PCM1: variants seen among roughly 807,000 people sequenced by gnomAD.
PCM1 encodes pericentriolar material 1 protein.
PCM1 carries 157 observed loss-of-function variants against 241.9 expected under a neutral mutation model. That is an observed-to-expected ratio of 0.65 (90% confidence interval 0.57 to 0.74). PCM1 has a LOEUF of 0.74. PCM1 is among the 30% of genes least tolerant of loss of function. PCM1 has a pLI of 0.00. For synonymous variants in PCM1, 1,085 were observed against 784.9 expected (o/e 1.38, Z -6.39); for missense variants, 3,478 against 2,360.1 (o/e 1.47, Z -9.81).
intron 36 of PCM1, among the ~76,000 whole-genome samples, chr8:18,016,417 G>T (rs1056459546): frequency 7.7e-6 from 1 of 129,980 alleles, no homozygotes; most frequent in Non-Finnish European, 1.8e-5. Context: ...TGGAGAAATG[G>T]TTACACTTTA....
intron 36 of PCM1, among the ~76,000 whole-genome samples, chr8:18,018,911 T>TAAAA (rs1554778876): frequency 8.0e-6 from 1 of 125,136 alleles, no homozygotes; most frequent in Non-Finnish European, 1.6e-5. Context: ...TATATATATA[T>TAAAA]AAATATATAA....
intron 23 of PCM1, among the ~76,000 whole-genome samples, chr8:17,979,446 G>A (rs568311133): frequency 1.3e-5 from 2 of 152,196 alleles, no homozygotes; most frequent in Non-Finnish European, 2.9e-5. Flanking sequence ...AACTGTTAAA[G>A]TGGCTGGTTA....
At chr8:18,025,226 C>A in intron 36 of PCM1, 135 bp from the exon 37 acceptor site, 1 of 325,428 alleles carries the variant, frequency 3.1e-6, no homozygotes, top group East Asian at 7.2e-5. Flanking sequence ...CTGCATATTT[C>A]TAAATTATTC....
At chr8:17,967,827 C>G (rs186264581) in intron 21 of PCM1, among the ~76,000 whole-genome samples, 67 of 152,198 alleles carry the variant, frequency 4.4e-4, no homozygotes, top group African/African-American at 1.6e-3. Flanking sequence ...TGCTAATAGA[C>G]TAAAGGAGAG....
intron 34 of PCM1, among the ~76,000 whole-genome samples, chr8:18,012,161 A>C (rs1254691911): frequency 1.3e-5 from 2 of 152,100 alleles, no homozygotes; most frequent in Non-Finnish European, 2.9e-5. Flanking sequence ...CACCCATCCA[A>C]TAATTTATAC....
intron 36 of PCM1, among the ~76,000 whole-genome samples, chr8:18,019,238 A>G (rs1022814344): frequency 6.6e-5 from 10 of 152,118 alleles, no homozygotes; most frequent in African/African-American, 2.2e-4. Context: ...TAGAAATTGT[A>G]TTCTGTCTAT....
intron 9 of PCM1, among the ~76,000 whole-genome samples, chr8:17,953,724 A>T (rs1365222014): frequency 6.6e-6 from 1 of 152,180 alleles, no homozygotes; most frequent in Non-Finnish European, 1.5e-5. Context: ...TAACTGCGGG[A>T]GTTATCTTTT....
chr8:17,986,646 C>T (rs923601793), intron 26 of PCM1, among the ~76,000 whole-genome samples: 7 of 151,770 alleles, frequency 4.6e-5, no homozygotes, highest in African/African-American at 1.7e-4. Context: ...CCAAATAGCA[C>T]TTAGCACATC....
At chr8:17,999,193 T>C (rs1376318043) in intron 29 of PCM1, among the ~76,000 whole-genome samples, 1 of 152,146 alleles carries the variant, frequency 6.6e-6, no homozygotes, top group East Asian at 2.0e-4. Context: ...CCCTTTTTCC[T>C]CTACTTTTCT....
intron 6 of PCM1, among the ~76,000 whole-genome samples, chr8:17,944,049 A>G (rs1036239942): frequency 6.6e-6 from 1 of 152,200 alleles, no homozygotes; most frequent in Non-Finnish European, 1.5e-5. Context: ...ACGAGTAGCC[A>G]TGCGTTCATT....
In PCM1 at chr8:18,029,568, T is replaced by C. The variant is rs1395844110; in HGVS notation, c.*1906T>C. ...GTTATTACCATAGTACCTATGAACCTTATCAAAATTGCTTATTTGACTGGT... is the reference window on the plus strand; with the variant it reads ...GTTATTACCATAGTACCTATGAACCCTATCAAAATTGCTTATTTGACTGGT... On this transcript the variant is annotated 3_prime_UTR_variant, in exon 39 of 39. Coordinates refer to ENST00000325083, the MANE Select transcript of PCM1 (RefSeq NM_006197.4). The C allele has an allele frequency of 5.8e-6, 1 of 173,712 alleles. No individual in the cohort carries two copies. The highest frequency in any genetic ancestry group is 1.3e-5 in the Non-Finnish European group (1 of 79,386). 10.8% of individuals were successfully genotyped at this position (173,712 alleles called of 1,614,324 possible).
intron 36 of PCM1, among the ~76,000 whole-genome samples, chr8:18,018,183 G>C (rs886791806): frequency 6.6e-6 from 1 of 152,194 alleles, no homozygotes; most frequent in Non-Finnish European, 1.5e-5. Flanking sequence ...ACTAAATTGA[G>C]AGGGCACTTA....
chr8:17,940,282 A>G (rs1563726406), intron 6 of PCM1: 1 of 580,586 alleles, frequency 1.7e-6, no homozygotes, highest in Non-Finnish European at 3.1e-6. Flanking sequence ...GAACCCCTCA[A>G]ATTGTTAATG....
chr8:18,027,578 A>G, intron 38 of PCM1, 59 bp from the exon 39 acceptor site: 1 of 1,204,544 alleles, frequency 8.3e-7, no homozygotes, highest in Non-Finnish European at 1.2e-6. Context: ...ACAGAGAACA[A>G]TGTTAAATTC....
At chr8:17,963,376 A>G in intron 17 of PCM1, 85 bp downstream of exon 17, 1 of 885,050 alleles carries the variant, frequency 1.1e-6, no homozygotes, top group African/African-American at 1.7e-5. Flanking sequence ...TTTCTCCTCT[A>G]CATCACAGCA....
intron 36 of PCM1, chr8:18,025,133 C>CTTT (rs58967642): frequency 0.01 from 1,618 of 157,326 alleles, 65 homozygotes; most frequent in African/African-American, 0.03. Flanking sequence ...GCCCCCCTGC[C>CTTT]TTTTTTTTTT....
chr8:17,931,553 T>G (rs190016435), intron 2 of PCM1, among the ~76,000 whole-genome samples: 1 of 152,154 alleles, frequency 6.6e-6, no homozygotes, highest in Non-Finnish European at 1.5e-5. Flanking sequence ...CCAGATATAT[T>G]CTTAATACAT....
At chr8:17,955,434 A>G in intron 9 of PCM1, 36 bp from the exon 10 acceptor site, 1 of 1,495,666 alleles carries the variant, frequency 6.7e-7, no homozygotes, top group Non-Finnish European at 8.9e-7. Flanking sequence ...GTAACTGGTG[A>G]TTAAAAAAAA....
At position 17,924,744 on chromosome 8, in the gene PCM1, A is replaced by G. The variant is rs955809780; in HGVS notation, c.-59A>G. 1.1e-4 allele frequency: 17 copies of G among 152,196 alleles called. No homozygotes were observed. Among genetic ancestry groups the G allele is most frequent in the African/African-American group, 4.1e-4 (17 of 41,430 alleles). The allele number at this position is 152,196 out of a possible 1,614,324, so 9.4% of individuals were successfully genotyped here. ...GCTTTGAAGTGTGGAGCGGGAAAGG[A>G]GCAGTTTCTGAGCTGCAAAAACTAG... On this transcript the variant is annotated 5_prime_UTR_variant, in exon 2 of 39. Transcript: ENST00000325083.
Sources: gnomAD v4.1 joint callset for allele counts (sites outside exome capture counted in the v4.1 genomes callset) on GRCh38, gnomAD v4.1.1 for gene constraint, MANE v1.5 for transcripts, NCBI Gene and HGNC (gene_info 2026-07-23, HGNC 2026-07-21) for gene names.